Variants in ACOXL observed in about 807,000 individuals in gnomAD.
ACOXL encodes the protein acyl-CoA oxidase like.
A neutral mutation model predicts 71.9 loss-of-function variants in ACOXL; 70 were observed. The ratio of observed to expected loss-of-function variants is 0.97; its 90% CI spans 0.80 to 1.19. The LOEUF (loss-of-function observed/expected upper bound fraction) is 1.19. Among genes scored for constraint, ACOXL ranks in the 50% most tolerant of loss-of-function variants. The probability of loss-of-function intolerance (pLI) is 0.00; values close to 1 mark genes in which losing one functional copy is unlikely to be tolerated. For missense variants in ACOXL, 703 were observed against 736.3 expected (o/e 0.95, Z 0.52); for synonymous variants, 253 against 281.6 (o/e 0.90, Z 1.02).
chr2:111,117,775 G>A lies in ACOXL; in HGVS notation c.1702G>A (p.Glu568Lys). Residue 568 changes from glutamate (E) to lysine (K), a missense_variant, in exon 18 of 18, where the codon GAG (glutamate) becomes AAG (lysine). Coordinates refer to ENST00000439055, the MANE Select transcript of ACOXL (RefSeq NM_001142807.4). ...ACCGCTGCAGCCGCGGCCACGGGAA[G>A]AGGCGCGCTCCCGGCGGCCCAAGCT... ...PAPLQPRPRE[E>K]ARSRRPKLGA... 2 of 1,551,124 alleles carry A rather than the reference G, an allele frequency of 1.3e-6. No homozygotes were observed. The highest frequency in any genetic ancestry group is 2.4e-5 in the East Asian group (1 of 40,910).
intron 16 of ACOXL, among the ~76,000 whole-genome samples, chr2:111,091,343 T>TA (rs1338842766): frequency 1.3e-5 from 2 of 152,208 alleles, no homozygotes; most frequent in Non-Finnish European, 1.5e-5. Context: ...CCCTGGCTGA[T>TA]ACAGGATTCT....
intron 14 of ACOXL, among the ~76,000 whole-genome samples, chr2:111,008,362 TC>T (rs2063974755): frequency 6.6e-6 from 1 of 152,164 alleles, no homozygotes; most frequent in Non-Finnish European, 1.5e-5. Flanking sequence ...TTCCATCACT[TC>T]CCTTTTTTCC....
intron 15 of ACOXL, among the ~76,000 whole-genome samples, chr2:111,037,973 A>G (rs186556080): frequency 3.2e-4 from 48 of 152,332 alleles, no homozygotes; most frequent in Non-Finnish European, 6.6e-4. Flanking sequence ...GCCTCCGAAC[A>G]ATGCTTCTTG....
chr2:110,915,488 A>G (rs1250781313), intron 11 of ACOXL, among the ~76,000 whole-genome samples: 20 of 148,054 alleles, frequency 1.4e-4, no homozygotes, highest in African/African-American at 4.7e-4. Flanking sequence ...CAGTGGCACA[A>G]TCTCGGCTCA....
intron 15 of ACOXL, among the ~76,000 whole-genome samples, chr2:111,032,202 C>T (rs964380839): frequency 1.3e-5 from 2 of 152,156 alleles, no homozygotes; most frequent in African/African-American, 2.4e-5. Context: ...CAGTGGTTCT[C>T]AACCAGGGGC....
At chr2:110,889,521 A>G (rs1204013944) in intron 10 of ACOXL, among the ~76,000 whole-genome samples, 2 of 152,178 alleles carry the variant, frequency 1.3e-5, no homozygotes, top group African/African-American at 2.4e-5. Context: ...AGCCTTAGAC[A>G]AGAACAAATC....
intron 10 of ACOXL, among the ~76,000 whole-genome samples, chr2:110,858,486 G>C (rs538029178): frequency 1.3e-5 from 2 of 152,204 alleles, no homozygotes; most frequent in African/African-American, 4.8e-5. Flanking sequence ...TAGATTTCTG[G>C]GGTAAGATAA....
chr2:110,860,002 T>C (rs952893378), intron 10 of ACOXL, among the ~76,000 whole-genome samples: 1 of 152,336 alleles, frequency 6.6e-6, no homozygotes, highest in African/African-American at 2.4e-5. Flanking sequence ...ACCCTGTCTT[T>C]CCCTTCCTGC....
intron 11 of ACOXL, among the ~76,000 whole-genome samples, chr2:110,916,718 A>C (rs1025210319): frequency 6.6e-6 from 1 of 152,206 alleles, no homozygotes; most frequent in East Asian, 1.9e-4. Flanking sequence ...AAAAATGATA[A>C]AGGGGATATC....
chr2:110,781,776 G>A lies in ACOXL; in HGVS notation c.76-2956G>A, dbSNP rs1005661167. On this transcript the variant is annotated intron_variant, in intron 2 of 17. Coordinates refer to ENST00000439055, the MANE Select transcript of ACOXL (RefSeq NM_001142807.4). ...TTGCTTAGAGCTGGCAAAGGAGGCC[G>A]TGTGGGTTAACATCAGAGGAAAGAC... Among the ~76,000 whole-genome samples, 6 of 152,312 alleles carry A rather than the reference G, an allele frequency of 3.9e-5. No individual in the cohort carries two copies. The East Asian group carries it at 1.2e-3, about 29-fold the overall frequency.
At chr2:111,095,237 A>C (rs1558963824) in intron 17 of ACOXL, among the ~76,000 whole-genome samples, 3 of 150,698 alleles carry the variant, frequency 2.0e-5, no homozygotes, top group African/African-American at 7.3e-5. Flanking sequence ...AAAAAAAAAA[A>C]CCTACATAAG....
intron 1 of ACOXL, among the ~76,000 whole-genome samples, chr2:110,757,080 CA>C (rs1679802272): frequency 6.6e-6 from 1 of 152,132 alleles, no homozygotes; most frequent in Admixed American, 6.5e-5. Context: ...GGCTCCAGTG[CA>C]TGTTGTTCTC....
At chr2:111,116,719 T>C (rs1264826651) in intron 17 of ACOXL, among the ~76,000 whole-genome samples, 1 of 151,826 alleles carries the variant, frequency 6.6e-6, no homozygotes, top group Non-Finnish European at 1.5e-5. Flanking sequence ...AAAAATGGAG[T>C]ACAATGTGTA....
At chr2:110,810,019 T>G (rs564995893) in intron 9 of ACOXL, among the ~76,000 whole-genome samples, 1 of 152,184 alleles carries the variant, frequency 6.6e-6, no homozygotes, top group Non-Finnish European at 1.5e-5. Context: ...CATCCGGCTC[T>G]CCACCACTCA....
At chr2:110,998,837 C>T (rs2063502679) in intron 14 of ACOXL, among the ~76,000 whole-genome samples, 3 of 152,256 alleles carry the variant, frequency 2.0e-5, no homozygotes, top group African/African-American at 7.2e-5. Context: ...AGGTTTCAAT[C>T]CTCCTAGTAA....
At chr2:110,840,289 A>G (rs1381247223) in intron 9 of ACOXL, among the ~76,000 whole-genome samples, 14 of 152,200 alleles carry the variant, frequency 9.2e-5, no homozygotes, top group Admixed American at 9.2e-4. Context: ...GTATGATGAA[A>G]TATTTTCAAA....
intron 2 of ACOXL, among the ~76,000 whole-genome samples, chr2:110,783,254 G>A (rs1455764715): frequency 6.6e-6 from 1 of 152,116 alleles, no homozygotes; most frequent in Non-Finnish European, 1.5e-5. Context: ...GGACACTTAG[G>A]CCCTCTAAAA....
intron 12 of ACOXL, among the ~76,000 whole-genome samples, chr2:110,984,460 T>G (rs1026177060): frequency 6.6e-6 from 1 of 152,130 alleles, no homozygotes. Context: ...AGCTGATGGC[T>G]TCAATCACTT....
intron 2 of ACOXL, among the ~76,000 whole-genome samples, chr2:110,774,000 T>C (rs529598187): frequency 6.6e-6 from 1 of 152,338 alleles, no homozygotes; most frequent in South Asian, 2.1e-4. Flanking sequence ...GCTGGAATCA[T>C]GGTGCTATTT....
Sources: allele counts gnomAD v4.1 joint callset (sites outside exome capture counted in the v4.1 genomes callset), GRCh38; gene constraint gnomAD v4.1.1; transcripts MANE v1.5; gene names NCBI Gene and HGNC (gene_info 2026-07-23, HGNC 2026-07-21).